Variants in SNTG2 observed in about 807,000 individuals in gnomAD.
The protein encoded by SNTG2 is syntrophin gamma 2.
A neutral mutation model predicts 70.9 loss-of-function variants in SNTG2; 74 were observed. That is an observed-to-expected ratio of 1.04 (90% CI 0.86 to 1.27). The LOEUF (loss-of-function observed/expected upper bound fraction) is 1.27. Ranked by LOEUF, SNTG2 falls within the 50% of genes most tolerant of loss-of-function variation. The pLI is 0.00. For missense variants in SNTG2, 717 were observed against 690.7 expected (o/e 1.04, Z -0.43); for synonymous variants, 278 against 273.8 (o/e 1.02, Z -0.15).
At chr2:1,278,537 A>G (rs1266411503) in intron 14 of SNTG2, among the ~76,000 whole-genome samples, 1 of 152,212 alleles carries the variant, frequency 6.6e-6, no homozygotes, top group Non-Finnish European at 1.5e-5. Context: ...TTATTTAAAA[A>G]AATTTTAGAT....
intron 1 of SNTG2, among the ~76,000 whole-genome samples, chr2:1,070,602 G>A (rs1020234177): frequency 6.6e-6 from 1 of 152,206 alleles, no homozygotes; most frequent in Non-Finnish European, 1.5e-5. Context: ...CAGCAGATTA[G>A]AAAGTGACAC....
intron 1 of SNTG2, among the ~76,000 whole-genome samples, chr2:1,068,831 A>G (rs532972956): frequency 1.2e-4 from 19 of 152,370 alleles, no homozygotes; most frequent in African/African-American, 4.3e-4. Flanking sequence ...CTATGTTTAC[A>G]GTAATTAAAA....
intron 8 of SNTG2, among the ~76,000 whole-genome samples, chr2:1,197,505 ATG>A (rs60948031): frequency 0.018 from 1,407 of 79,810 alleles, 15 homozygotes; most frequent in East Asian, 0.046. Flanking sequence ...ATATATGTGT[ATG>A]TATATATATG....
intron 6 of SNTG2, among the ~76,000 whole-genome samples, chr2:1,152,492 T>C (rs1669565559): frequency 6.6e-6 from 1 of 152,200 alleles, no homozygotes; most frequent in Non-Finnish European, 1.5e-5. Flanking sequence ...TGTGCATGGA[T>C]GCGTATATTC....
intron 1 of SNTG2, among the ~76,000 whole-genome samples, chr2:1,003,275 C>T (rs1659465855): frequency 6.6e-6 from 1 of 152,064 alleles, no homozygotes. Context: ...AATGGATTTG[C>T]ACGAGTATAT....
chr2:1,281,304 T>G (rs1679514751), intron 14 of SNTG2, among the ~76,000 whole-genome samples: 1 of 146,834 alleles, frequency 6.8e-6, no homozygotes, highest in African/African-American at 2.6e-5. Flanking sequence ...GTATATGGTG[T>G]GTGGTGTGTG....
At chr2:989,954 T>G (rs923823086) in intron 1 of SNTG2, among the ~76,000 whole-genome samples, 3 of 152,240 alleles carry the variant, frequency 2.0e-5, no homozygotes, top group Non-Finnish European at 4.4e-5. Flanking sequence ...TGCTGCATGG[T>G]CCAGGACAGG....
chr2:1,014,464 A>G (rs1354884638), intron 1 of SNTG2, among the ~76,000 whole-genome samples: 9 of 89,132 alleles, frequency 1.0e-4, no homozygotes, highest in East Asian at 2.3e-4. Context: ...TGGTCTGTAG[A>G]GGGATTTATA....
intron 11 of SNTG2, among the ~76,000 whole-genome samples, chr2:1,244,992 A>G (rs943825164): frequency 6.6e-6 from 1 of 152,018 alleles, no homozygotes. Context: ...GAAACTGGAA[A>G]TCAACATTCT....
intron 9 of SNTG2, among the ~76,000 whole-genome samples, chr2:1,224,414 C>A (rs575731961): frequency 6.6e-6 from 1 of 152,240 alleles, no homozygotes; most frequent in African/African-American, 2.4e-5. Context: ...GCCACCTGAC[C>A]CTTGACCTTT....
intron 15 of SNTG2, among the ~76,000 whole-genome samples, chr2:1,311,228 A>T (rs958024793): frequency 1.3e-5 from 2 of 152,192 alleles, no homozygotes; most frequent in African/African-American, 4.8e-5. Context: ...TCTGAACCTG[A>T]GGCTCAGAGG....
At chr2:1,347,491 GTTC>G (rs1246929377) in intron 16 of SNTG2, among the ~76,000 whole-genome samples, 4 of 152,182 alleles carry the variant, frequency 2.6e-5, no homozygotes, top group Non-Finnish European at 4.4e-5. Context: ...ACAACCACTG[GTTC>G]TTCTTAAAGA....
At chr2:1,185,929 G>T (rs1029101438) in intron 8 of SNTG2, among the ~76,000 whole-genome samples, 1 of 152,152 alleles carries the variant, frequency 6.6e-6, no homozygotes, top group African/African-American at 2.4e-5. Context: ...CTACCACATG[G>T]ATAGGCTGCA....
At chr2:1,089,504 A>C (rs1311384088) in intron 2 of SNTG2, among the ~76,000 whole-genome samples, 1 of 152,216 alleles carries the variant, frequency 6.6e-6, no homozygotes, top group Non-Finnish European at 1.5e-5. Context: ...GTGTGATGGC[A>C]GCTCCCTGTA....
intron 14 of SNTG2, among the ~76,000 whole-genome samples, chr2:1,290,294 G>A (rs1306620084): frequency 6.7e-6 from 1 of 150,046 alleles, no homozygotes; most frequent in East Asian, 2.0e-4. Flanking sequence ...CAGAGAGGGA[G>A]CATGAAGGGG....
At chr2:1,332,996 T>C (rs1206346551) in intron 16 of SNTG2, among the ~76,000 whole-genome samples, 1 of 152,118 alleles carries the variant, frequency 6.6e-6, no homozygotes, top group African/African-American at 2.4e-5. Flanking sequence ...ATCTAAAATT[T>C]TGAAGAGGAG....
intron 1 of SNTG2, among the ~76,000 whole-genome samples, chr2:999,380 C>G (rs564463253): frequency 2.6e-4 from 40 of 152,128 alleles, no homozygotes; most frequent in African/African-American, 9.6e-4. Context: ...CATTATTCAA[C>G]CATATGCTGC....
chr2:1,313,126 G>T (rs899810892), intron 15 of SNTG2, among the ~76,000 whole-genome samples: 2 of 152,142 alleles, frequency 1.3e-5, no homozygotes, highest in African/African-American at 2.4e-5. Context: ...ACCTTCCATT[G>T]TCAGTATATT....
At chr2:1,159,371 A>G (rs1670128061) in intron 6 of SNTG2, 1 of 152,106 alleles carries the variant, frequency 6.6e-6, no homozygotes, top group South Asian at 2.1e-4. Flanking sequence ...GGCATTAACA[A>G]TTATTTAGGC....
Sources: allele counts gnomAD v4.1 joint callset (sites outside exome capture counted in the v4.1 genomes callset), GRCh38; gene constraint gnomAD v4.1.1; transcripts MANE v1.5; gene names NCBI Gene and HGNC (gene_info 2026-07-23, HGNC 2026-07-21).